NPHP4: variants seen among roughly 807,000 people sequenced by gnomAD.
NPHP4 encodes the protein nephrocystin 4, also known as nephrocystin-4.
In NPHP4, 151 loss-of-function variants were observed where a neutral mutation model predicts 155.8. The ratio of observed to expected loss-of-function variants is 0.97; its 90% CI spans 0.85 to 1.11. NPHP4 has a LOEUF of 1.11. Ranked by LOEUF, NPHP4 falls within the 50% of genes least tolerant of loss-of-function variation. The pLI is 0.00. For synonymous variants in NPHP4, 845 were observed against 816.8 expected, an observed-to-expected ratio of 1.03 and a Z score of -0.59; for missense variants, 1,956 against 1,925.7, an observed-to-expected ratio of 1.02 and a Z score of -0.29.
intron 11 of NPHP4, among the ~76,000 whole-genome samples, chr1:5,920,032 A>G (rs1345422077): frequency 2.0e-5 from 3 of 152,250 alleles, no homozygotes; most frequent in East Asian, 3.9e-4. Context: ...TCCCAGGTTC[A>G]AGAGATCTCT....
At position 5,877,196 on chromosome 1, in the gene NPHP4, C is replaced by T. The variant is rs368298952; in HGVS notation, c.2714G>A (p.Ser905Asn). Residue 905 changes from serine to asparagine, a missense_variant, in exon 20 of 30, where the codon AGC (serine) becomes AAC (asparagine). Physicochemically the swap from Ser to Asn is conservative, Grantham distance 46. Transcript: ENST00000378156. ...ARQGKGPQDV[S>N]RESDATRRRK... The stretch of plus-strand genomic sequence containing the variant: ...CCTGCGGGTGGCATCCGACTCGCGG[C>T]TGACGTCCTGGGGCCCCTTGCCCTG... 5.4e-5 allele frequency: 86 copies of T among 1,605,016 alleles called. No individual in the cohort carries two copies. The African/African-American group carries it at 1.0e-3, about 19-fold the overall frequency.
chr1:5,863,754 T>G, intron 29 of NPHP4, 136 bp downstream of exon 29: 1 of 905,304 alleles, frequency 1.1e-6, no homozygotes, highest in Non-Finnish European at 1.8e-6. Flanking sequence ...AACTATGGGA[T>G]GGTACCTGTC....
rs1432505081 is a variant in NPHP4 at position 5,863,921 on chromosome 1, T to A, written c.4109A>T (p.Glu1370Val). The A allele has an allele frequency of 1.2e-6, 2 of 1,613,824 alleles. No individual in the cohort carries two copies. The highest frequency in any genetic ancestry group is 1.7e-5 in the Admixed American group (1 of 60,022). The change falls in exon 29 of 30, where the codon GAG becomes GTG. Residue 1370 changes from glutamate to valine, a missense_variant. Glu to Val is a moderately radical substitution (Grantham distance 121). Transcript: ENST00000378156. ...GGAGTCCTCTCTGAACCGCAGCAGC[T>A]CCGGGTGGTCGCTGTGCAGGTGGAA... ...RTFHLHSDHP[E>V]LLRFREDSFQ...
rs976335870 is a variant in NPHP4 at position 5,888,749 on chromosome 1, C to T, written c.2305-1283G>A. On this transcript the variant is annotated intron_variant, in intron 17 of 29. Transcript: ENST00000378156. ...CTGGCGACTGGTTTAAAGGCTGACA[C>T]ACTGTGAAGCCAAGGACATGGGACA... 57 of 502,070 alleles carry T rather than the reference C, an allele frequency of 1.1e-4. 1 individual carries two copies. Among genetic ancestry groups the T allele is most frequent in the South Asian group, 1.0e-3 (53 of 52,734 alleles). The allele number at this position is 502,070 out of a possible 1,614,324, so 31.1% of individuals were successfully genotyped here. A position where few individuals can be genotyped will look rare whatever the true frequency, so the allele number is the denominator to read the frequency against.
chr1:5,866,921 A>G, intron 25 of NPHP4, 109 bp downstream of exon 25: 1 of 812,752 alleles, frequency 1.2e-6, no homozygotes, highest in Non-Finnish European at 2.1e-6. Flanking sequence ...GAAACCACTT[A>G]GCAGAAAACC....
At chr1:5,943,046 G>A (rs913740020) in intron 9 of NPHP4, among the ~76,000 whole-genome samples, 1 of 152,198 alleles carries the variant, frequency 6.6e-6, no homozygotes, top group Admixed American at 6.5e-5. Context: ...GCATGCATAA[G>A]ACATTTCAAA....
At chr1:5,973,455 T>G (rs983325801) in intron 3 of NPHP4, among the ~76,000 whole-genome samples, 3 of 152,192 alleles carry the variant, frequency 2.0e-5, no homozygotes, top group African/African-American at 7.2e-5. Flanking sequence ...GGTCTGGTGA[T>G]GCATGCCTGT....
In NPHP4 at chr1:5,863,087, T is replaced by C. The variant is rs1312764794; in HGVS notation, c.*178A>G. 1.5e-6 allele frequency: 1 copy of C among 653,882 alleles called. No individual in the cohort carries two copies. 40.5% of individuals were successfully genotyped at this position (653,882 alleles called of 1,614,324 possible). On this transcript the variant is annotated 3_prime_UTR_variant, in exon 30 of 30. Transcript: ENST00000378156. Reference sequence around the variant, plus strand: ...GGGTGTCAGCAGCAGCTAAGCTGGATGCAGGTACTACAAAATGACCAGCGC... The same window carrying C: ...GGGTGTCAGCAGCAGCTAAGCTGGACGCAGGTACTACAAAATGACCAGCGC...
intron 19 of NPHP4, 159 bp from the exon 20 acceptor site, chr1:5,877,457 G>A: frequency 2.0e-6 from 1 of 489,868 alleles, no homozygotes; most frequent in Non-Finnish European, 3.7e-6. Context: ...CTGAGATCCA[G>A]ATAAAGATGA....
chr1:5,888,659 G>C (rs1447187296), intron 17 of NPHP4: 2 of 1,289,784 alleles, frequency 1.6e-6, no homozygotes, highest in Admixed American at 4.3e-5. Flanking sequence ...GCTTCTCCAA[G>C]AGGCAAGGAA....
chr1:5,930,451 G>A (rs1273008830), intron 10 of NPHP4, among the ~76,000 whole-genome samples: 1 of 152,120 alleles, frequency 6.6e-6, no homozygotes, highest in Non-Finnish European at 1.5e-5. Context: ...TATTTGAGCT[G>A]CATCCTACGA....
intron 17 of NPHP4, among the ~76,000 whole-genome samples, chr1:5,888,844 A>T (rs1320692644): frequency 6.6e-6 from 1 of 152,208 alleles, no homozygotes; most frequent in Non-Finnish European, 1.5e-5. Flanking sequence ...CTGGCTCTGC[A>T]TGCCTGCGGC....
chr1:5,985,724 A>T (rs887372373), intron 2 of NPHP4, among the ~76,000 whole-genome samples: 5 of 152,228 alleles, frequency 3.3e-5, no homozygotes, highest in African/African-American at 1.2e-4. Context: ...GGCCCAAGGT[A>T]ATGGGTATGG....
At chr1:5,906,900 C>T (rs1233060494) in intron 13 of NPHP4, among the ~76,000 whole-genome samples, 4 of 152,234 alleles carry the variant, frequency 2.6e-5, no homozygotes, top group Non-Finnish European at 4.4e-5. Context: ...GTATGAAGAA[C>T]TCATGGGCCA....
In NPHP4 at chr1:5,965,876, C is replaced by T. The variant is rs147900361; in HGVS notation, c.517+1423G>A. On this transcript the variant is annotated intron_variant, in intron 5 of 29. Transcript: ENST00000378156. The stretch of plus-strand genomic sequence containing the variant: ...ACATCAGAGGCCGAGAACTTCCCCT[C>T]GGGTCCTGCCAGTGCCACCACGTTT... Among the ~76,000 whole-genome samples the T allele has an allele frequency of 4.9e-3, 743 of 152,272 alleles. 4 individuals are homozygous for T. Among genetic ancestry groups the T allele is most frequent in the African/African-American group, 0.017 (720 of 41,550 alleles).
intron 19 of NPHP4, among the ~76,000 whole-genome samples, chr1:5,879,846 C>T (rs1181230230): frequency 6.9e-6 from 1 of 144,252 alleles, no homozygotes; most frequent in Non-Finnish European, 1.5e-5. Context: ...CACACACAGA[C>T]ACGCACACAG....
intron 11 of NPHP4, among the ~76,000 whole-genome samples, chr1:5,921,231 A>C (rs1425331395): frequency 6.6e-6 from 1 of 152,238 alleles, no homozygotes; most frequent in Non-Finnish European, 1.5e-5. Context: ...TAACCGACAC[A>C]CAGCATTTCA....
chr1:5,948,455 G>A (rs575217549), intron 7 of NPHP4, among the ~76,000 whole-genome samples: 16 of 152,280 alleles, frequency 1.1e-4, no homozygotes, highest in African/African-American at 3.1e-4. Context: ...GGCACTGCCC[G>A]GGCAGTTTTG....
rs767905786 is a variant in NPHP4, at chr1:5,863,247, G to A, written c.*18C>T. On this transcript the variant is annotated 3_prime_UTR_variant, in exon 30 of 30. Coordinates refer to ENST00000378156, the MANE Select transcript of NPHP4 (RefSeq NM_015102.5). ...GGCCCCAGCTGGGTGCCGCAGGAAG[G>A]ACGTCACCCTCAAGCCCTCACTGGT... 6.2e-7 allele frequency: 1 copy of A among 1,613,804 alleles called. No homozygotes were observed. The highest frequency in any genetic ancestry group is 1.7e-5 in the Admixed American group (1 of 60,026).
Sources: allele counts gnomAD v4.1 joint callset (sites outside exome capture counted in the v4.1 genomes callset), GRCh38; gene constraint gnomAD v4.1.1; transcripts MANE v1.5; gene names NCBI Gene and HGNC (gene_info 2026-07-23, HGNC 2026-07-21).